Variants in COLQ observed in about 807,000 individuals in gnomAD.
COLQ encodes the protein collagen like tail subunit of asymmetric acetylcholinesterase, also known as acetylcholinesterase collagenic tail peptide.
A neutral mutation model predicts 69.0 loss-of-function variants in COLQ; 48 were observed. The ratio of observed to expected loss-of-function variants is 0.70; its 90% confidence interval spans 0.55 to 0.88. The LOEUF (loss-of-function observed/expected upper bound fraction) is 0.88. Among genes scored for constraint, COLQ ranks in the 40% least tolerant of loss-of-function variants. The pLI, the probability that COLQ is intolerant of heterozygous loss-of-function variation, is 0.00. For synonymous variants in COLQ, 217 were observed against 211.2 expected, an observed-to-expected ratio of 1.03 and a Z score of -0.24; for missense variants, 618 against 594.6, an observed-to-expected ratio of 1.04 and a Z score of -0.41.
intron 3 of COLQ, among the ~76,000 whole-genome samples, chr3:15,481,967 T>C (rs1023897104): frequency 3.3e-5 from 5 of 152,228 alleles, no homozygotes; most frequent in African/African-American, 1.2e-4. Context: ...TTTTATTCTC[T>C]TTGAAGCAAT....
At chr3:15,472,832 C>T (rs1365466670) in intron 10 of COLQ, among the ~76,000 whole-genome samples, 1 of 152,018 alleles carries the variant, frequency 6.6e-6, no homozygotes. Flanking sequence ...TTCTCTCTCT[C>T]TCTTTCTTCA....
At chr3:15,483,884 A>C (rs918654205) in intron 3 of COLQ, among the ~76,000 whole-genome samples, 6 of 152,172 alleles carry the variant, frequency 3.9e-5, no homozygotes, top group African/African-American at 1.4e-4. Context: ...CTGCTTTATG[A>C]ATCTGGGTGC....
intron 11 of COLQ, 99 bp downstream of exon 11, chr3:15,470,437 A>C: frequency 9.2e-7 from 1 of 1,082,812 alleles, no homozygotes; most frequent in Non-Finnish European, 1.4e-6. Context: ...GTCAAGGTCT[A>C]CAGAATATCT....
intron 3 of COLQ, among the ~76,000 whole-genome samples, chr3:15,485,525 T>C (rs886207465): frequency 5.3e-5 from 8 of 152,236 alleles, no homozygotes; most frequent in Non-Finnish European, 1.2e-4. Flanking sequence ...CCTCCCTCCC[T>C]GAAATATGAT....
chr3:15,482,531 G>C lies in COLQ; in HGVS notation c.322-3149C>G, dbSNP rs1044108002. Among the ~76,000 whole-genome samples, 91 of 152,112 alleles carry C rather than the reference G, an allele frequency of 6.0e-4. 1 individual carries two copies. The highest frequency in any genetic ancestry group is 1.5e-4 in the Non-Finnish European group (10 of 68,026). On this transcript the variant is annotated intron_variant, in intron 3 of 16. Transcript: ENST00000383788. The stretch of plus-strand genomic sequence containing the variant: ...TTACATTTATTGATTTGCATATGTC[G>C]AACCAGCCTTGCATCCCAGGGATGA...
At chr3:15,499,098 C>T (rs1575490384) in intron 1 of COLQ, among the ~76,000 whole-genome samples, 1 of 151,182 alleles carries the variant, frequency 6.6e-6, no homozygotes, top group Non-Finnish European at 1.5e-5. Flanking sequence ...GGTCTCAGCT[C>T]TAATCCTGTC....
chr3:15,464,742 C>G (rs540564677), intron 12 of COLQ, among the ~76,000 whole-genome samples: 27 of 152,202 alleles, frequency 1.8e-4, no homozygotes, highest in Non-Finnish European at 3.8e-4. Context: ...TTTTGTATAA[C>G]TGAAGACAGA....
chr3:15,510,850 G>C (rs1269381866), intron 1 of COLQ, among the ~76,000 whole-genome samples: 3 of 135,706 alleles, frequency 2.2e-5, no homozygotes, highest in Admixed American at 7.5e-5. Flanking sequence ...GAGGGAGAGA[G>C]GAAGGAAAGA....
At chr3:15,510,174 T>TAA (rs747127611) in intron 1 of COLQ, among the ~76,000 whole-genome samples, 2 of 137,042 alleles carry the variant, frequency 1.5e-5, no homozygotes. Context: ...AGACTCTGTC[T>TAA]AAAAAAAAAA....
chr3:15,498,940 C>T lies in COLQ; in HGVS notation c.107-9303G>A, dbSNP rs1176907256. ...AGGAAATTGAGAGCAATCAAACAGG[C>T]TGCTTTTCATTTGGCTCAAAAACCG... On this transcript the variant is annotated intron_variant, in intron 1 of 16. Coordinates refer to ENST00000383788, the MANE Select transcript of COLQ (RefSeq NM_005677.4). The T allele has an allele frequency of 2.7e-5, 32 of 1,203,692 alleles. No individual in the cohort carries two copies. In the East Asian group the frequency reaches 1.6e-3, roughly 60 times the overall value. 74.6% of individuals were successfully genotyped at this position (1,203,692 alleles called of 1,614,324 possible). A position where few individuals can be genotyped will look rare whatever the true frequency, so the allele number is the denominator to read the frequency against.
intron 15 of COLQ, among the ~76,000 whole-genome samples, chr3:15,454,949 A>C (rs2062004871): frequency 6.6e-6 from 1 of 151,950 alleles, no homozygotes; most frequent in African/African-American, 2.4e-5. Flanking sequence ...TACAGGCATG[A>C]GCCACTGTGC....
At position 15,521,558 on chromosome 3, in the gene COLQ, T is replaced by C. The variant is rs563740749; in HGVS notation, c.68A>G (p.Gln23Arg). Residue 23 changes from glutamine (Q) to arginine (R), a missense_variant, in exon 1 of 17, where the codon CAG becomes CGG. Physicochemically the swap from Gln to Arg is conservative, Grantham distance 43 (BLOSUM62 1). Transcript: ENST00000383788. ...LQLFFLSIVS[Q>R]PTFINSVLPI... ...AAGAACGCTGTTGATGAAAGTCGGC[T>C]GAGACACGATAGAGAGGAAGAAAAG... 41 of 1,614,184 alleles carry C rather than the reference T, an allele frequency of 2.5e-5. No individual in the cohort carries two copies. In the South Asian group the frequency reaches 4.3e-4, roughly 17 times the overall value.
chr3:15,516,354 C>G (rs2063062978), intron 1 of COLQ, among the ~76,000 whole-genome samples: 1 of 152,198 alleles, frequency 6.6e-6, no homozygotes, highest in Admixed American at 6.5e-5. Flanking sequence ...TCAGGCCCTA[C>G]AGGCCACAAA....
chr3:15,477,430 T>A, intron 5 of COLQ: 1 of 544,172 alleles, frequency 1.8e-6, no homozygotes, highest in Non-Finnish European at 3.3e-6. Flanking sequence ...AAAGGGACTC[T>A]AAACTTCTTG....
intron 1 of COLQ, among the ~76,000 whole-genome samples, chr3:15,491,544 C>T (rs138075219): frequency 2.6e-5 from 4 of 152,334 alleles, no homozygotes; most frequent in African/African-American, 9.6e-5. Context: ...ATGGTAGCTC[C>T]GTGCACACAC....
Position 15,456,595 on chromosome 3 carries a change from C to A in COLQ, c.955-16G>T. 1.2e-6 allele frequency: 2 copies of A among 1,613,620 alleles called. No homozygotes were observed. The highest frequency in any genetic ancestry group is 1.7e-6 in the Non-Finnish European group (2 of 1,179,996). On this transcript the variant is annotated splice_polypyrimidine_tract_variant and intron_variant, in intron 13 of 16. Transcript: ENST00000383788. ...CCACAAAAATCTGCCAGAGAACACA[C>A]TGGTGAGGATTCCAGAAAACACTTC... is the stretch of plus-strand genomic sequence containing the variant.
intron 11 of COLQ, among the ~76,000 whole-genome samples, chr3:15,469,997 A>C (rs1232324416): frequency 6.6e-6 from 1 of 152,236 alleles, no homozygotes; most frequent in Non-Finnish European, 1.5e-5. Flanking sequence ...ACATGGCTTA[A>C]CACAAGAGCC....
intron 1 of COLQ, chr3:15,496,360 C>T (rs997863764): frequency 1.3e-5 from 2 of 155,978 alleles, no homozygotes; most frequent in African/African-American, 2.4e-5. Context: ...ATATTTCCAT[C>T]AGGTGGACGT....
rs1216709968 is a variant in COLQ, at chr3:15,474,214, G to A, written c.600+14C>T. ...TGACATTTATCATTTCTATGGAAAG[G>A]TTTTCTCCATTACCTTTTCTCCTTT... On this transcript the variant is annotated intron_variant, in intron 9 of 16. Coordinates refer to ENST00000383788, the MANE Select transcript of COLQ (RefSeq NM_005677.4). 1.9e-6 allele frequency: 3 copies of A among 1,613,778 alleles called. No individual in the cohort carries two copies. Among genetic ancestry groups the A allele is most frequent in the African/African-American group, 2.7e-5 (2 of 74,926 alleles).
Sources: allele counts gnomAD v4.1 joint callset (sites outside exome capture counted in the v4.1 genomes callset), GRCh38; gene constraint gnomAD v4.1.1; transcripts MANE v1.5; gene names NCBI Gene and HGNC (gene_info 2026-07-23, HGNC 2026-07-21).